The following TAF2 variants were observed in gnomAD, a reference collection of about 807,000 sequenced individuals.
The protein encoded by TAF2 is TATA-box binding protein associated factor 2.
A neutral mutation model predicts 138.5 loss-of-function variants in TAF2; 61 were observed. That is an observed-to-expected ratio of 0.44 (90% CI 0.36 to 0.54). The LOEUF is 0.54. Ranked by LOEUF, TAF2 falls within the 20% of genes least tolerant of loss-of-function variation. TAF2 has a pLI of 0.00. For synonymous variants in TAF2, 475 were observed against 469.9 expected (o/e 1.01, Z -0.14); for missense variants, 1,090 against 1,427.9 (o/e 0.76, Z 3.81).
At chr8:119,812,540 A>G (rs1054149658) in intron 3 of TAF2, among the ~76,000 whole-genome samples, 4 of 152,182 alleles carry the variant, frequency 2.6e-5, no homozygotes, top group Non-Finnish European at 5.9e-5. Flanking sequence ...TCACATACCC[A>G]TAGCTTAGTC....
intron 3 of TAF2, among the ~76,000 whole-genome samples, chr8:119,816,641 T>C (rs1825496374): frequency 6.6e-6 from 1 of 152,254 alleles, no homozygotes; most frequent in South Asian, 2.1e-4. Context: ...GCCTTAGCTA[T>C]CTGCCTTTCC....
At chr8:119,779,884 G>GT (rs1822519642) in intron 17 of TAF2, among the ~76,000 whole-genome samples, 1 of 152,044 alleles carries the variant, frequency 6.6e-6, no homozygotes, top group Admixed American at 6.6e-5. Flanking sequence ...TTGCTCAGCC[G>GT]TCTCTATTTA....
At chr8:119,768,188 T>A (rs1821574557) in intron 18 of TAF2, among the ~76,000 whole-genome samples, 1 of 152,136 alleles carries the variant, frequency 6.6e-6, no homozygotes, top group Non-Finnish European at 1.5e-5. Context: ...AGGTCTGTGA[T>A]CAACCCTGGG....
At chr8:119,815,664 CCA>C (rs752825907) in intron 3 of TAF2, among the ~76,000 whole-genome samples, 15 of 152,182 alleles carry the variant, frequency 9.9e-5, no homozygotes, top group Admixed American at 3.9e-4. Context: ...GGTTACCCAT[CCA>C]CAGAGACAGT....
chr8:119,754,959 G>C (rs1002718462), intron 22 of TAF2, among the ~76,000 whole-genome samples: 1 of 152,172 alleles, frequency 6.6e-6, no homozygotes, highest in Non-Finnish European at 1.5e-5. Flanking sequence ...ATTGAGAAGC[G>C]TAACTATCAT....
chr8:119,767,466 T>C (rs1563849028), intron 18 of TAF2, among the ~76,000 whole-genome samples: 3 of 152,160 alleles, frequency 2.0e-5, no homozygotes. Context: ...TCCACACTCC[T>C]ACTAAGAACT....
intron 4 of TAF2, among the ~76,000 whole-genome samples, chr8:119,804,735 A>C (rs1396097307): frequency 6.6e-6 from 1 of 152,164 alleles, no homozygotes; most frequent in Non-Finnish European, 1.5e-5. Context: ...ATGAAAACGG[A>C]CTAATACACT....
chr8:119,793,500 T>G (rs1359265631), intron 9 of TAF2, 49 bp from the exon 10 acceptor site: 18 of 1,330,850 alleles, frequency 1.4e-5, no homozygotes, highest in Non-Finnish European at 1.7e-5. Flanking sequence ...AAAGTAACAT[T>G]TTTTTACATA....
rs1008024243 is a variant in TAF2 at position 119,778,185 on chromosome 8, C to T, written c.2254-56G>A. ...CACAGAACCTAACTTTTTGTTACTA[C>T]AATTCATTGAACTATAAATAGAAAA... On this transcript the variant is annotated intron_variant, in intron 17 of 25. Coordinates refer to ENST00000378164, the MANE Select transcript of TAF2 (RefSeq NM_003184.4). 9 of 1,032,408 alleles carry T rather than the reference C, an allele frequency of 8.7e-6. No individual in the cohort carries two copies. In the African/African-American group the frequency reaches 1.3e-4, roughly 15 times the overall value. The allele number at this position is 1,032,408 out of a possible 1,614,324, so 64.0% of individuals were successfully genotyped here.
chr8:119,769,690 C>T (rs1821688101), intron 18 of TAF2, among the ~76,000 whole-genome samples: 1 of 151,310 alleles, frequency 6.6e-6, no homozygotes, highest in Admixed American at 6.6e-5. Context: ...GCTTTAACAA[C>T]ACACTAGACC....
chr8:119,739,223 G>A (rs1281277512), intron 25 of TAF2, among the ~76,000 whole-genome samples: 1 of 152,004 alleles, frequency 6.6e-6, no homozygotes, highest in Non-Finnish European at 1.5e-5. Flanking sequence ...AGTAACCTGG[G>A]AGACAGTCCA....
rs1349650672 is a variant in TAF2 at position 119,762,457 on chromosome 8, A to G, written c.2516T>C (p.Met839Thr). 3.7e-6 allele frequency: 6 copies of G among 1,613,898 alleles called. No individual in the cohort carries two copies. Among genetic ancestry groups the G allele is most frequent in the South Asian group, 1.1e-5 (1 of 91,086 alleles). The stretch of plus-strand genomic sequence containing the variant: ...CCTGTAACTCGGAAGAAGTTTTTCC[A>G]TATTCAAAAATCTGGTGATTTCTTC... Reference protein sequence around the residue: ...ILEEITRFLNMEKLLPSYRHT... With the variant: ...ILEEITRFLNTEKLLPSYRHT... The change falls in exon 19 of 26, where the codon ATG becomes ACG. Residue 839 changes from methionine to threonine, a missense_variant. By Grantham distance (81) the Met-to-Thr change is moderately conservative. Coordinates refer to ENST00000378164, the MANE Select transcript of TAF2 (RefSeq NM_003184.4).
At position 119,806,469 on chromosome 8, in the gene TAF2, C is replaced by CT. The variant is rs71571631; in HGVS notation, c.300-69dup. 7.5e-3 allele frequency: 5,732 copies of CT among 760,694 alleles called. 6 individuals are homozygous for CT. The highest frequency in any genetic ancestry group is 0.013 in the African/African-American group (673 of 50,372). The allele number at this position is 760,694 out of a possible 1,614,324, so 47.1% of individuals were successfully genotyped here. ...TCTTACCAAGCATTTTTCTTTCTTT[C>CT]TTTTTTTTTTTTTTTTTTTAGATGA... is the stretch of plus-strand genomic sequence containing the variant. On this transcript the variant is annotated intron_variant, in intron 3 of 25. Coordinates refer to ENST00000378164, the MANE Select transcript of TAF2 (RefSeq NM_003184.4).
chr8:119,815,471 T>C (rs1486179678), intron 3 of TAF2, among the ~76,000 whole-genome samples: 2 of 151,896 alleles, frequency 1.3e-5, no homozygotes, highest in East Asian at 3.9e-4. Flanking sequence ...AGACGGGATT[T>C]CACCGTGTTA....
intron 3 of TAF2, among the ~76,000 whole-genome samples, chr8:119,812,944 A>C (rs1025849807): frequency 2.6e-5 from 4 of 152,104 alleles, no homozygotes; most frequent in African/African-American, 9.7e-5. Flanking sequence ...ATAGGGACTT[A>C]TTTTCCTTTT....
chr8:119,808,337 G>A (rs2063283), intron 3 of TAF2, among the ~76,000 whole-genome samples: 1 of 152,042 alleles, frequency 6.6e-6, no homozygotes, highest in Non-Finnish European at 1.5e-5. Context: ...GTTGTATCAT[G>A]AGACTGCAGC....
At chr8:119,788,930 C>T (rs1442565844) in intron 12 of TAF2, 26 bp from the exon 13 acceptor site, 10 of 1,429,980 alleles carry the variant, frequency 7.0e-6, no homozygotes, top group South Asian at 1.1e-5. Flanking sequence ...GGAAAGTTTA[C>T]ATACTGAAAC....
chr8:119,748,729 C>G (rs1820147028), intron 22 of TAF2, among the ~76,000 whole-genome samples: 8 of 152,006 alleles, frequency 5.3e-5, no homozygotes, highest in Admixed American at 5.2e-4. Context: ...AAAAGTTCCA[C>G]AAAGAGGAGG....
Position 119,744,273 on chromosome 8 carries a change from G to C in TAF2, c.3214+15C>G, listed in dbSNP as rs769407247. 1.9e-6 allele frequency: 3 copies of C among 1,607,344 alleles called. No homozygotes were observed. The South Asian group carries it at 3.3e-5, about 18-fold the overall frequency. On this transcript the variant is annotated intron_variant, in intron 24 of 25. Transcript: ENST00000378164. The stretch of plus-strand genomic sequence containing the variant: ...TGTCTCCATCTCCTCAATGATTGCA[G>C]AATACTAATCTTACCTGGAGTTGAC...
Sources: gnomAD v4.1 joint callset for allele counts (sites outside exome capture counted in the v4.1 genomes callset) on GRCh38, gnomAD v4.1.1 for gene constraint, MANE v1.5 for transcripts, NCBI Gene and HGNC (gene_info 2026-07-23, HGNC 2026-07-21) for gene names.